TRMT2A: variants seen among roughly 807,000 people sequenced by gnomAD.
TRMT2A encodes tRNA (uracil-5-)-methyltransferase homolog A.
Under a neutral mutation model 59.3 loss-of-function variants are expected in TRMT2A, and 60 were observed. The ratio of observed to expected loss-of-function variants is 1.01; its 90% confidence interval spans 0.82 to 1.26. The LOEUF (loss-of-function observed/expected upper bound fraction) is 1.26. TRMT2A is among the 50% of genes most tolerant of loss of function. TRMT2A has a pLI of 0.00. For missense variants in TRMT2A, 863 were observed against 845.2 expected (o/e 1.02, Z -0.26); for synonymous variants, 403 against 353.7 (o/e 1.14, Z -1.56).
At chr22:20,113,898 T>C in intron 7 of TRMT2A, 90 bp from the exon 8 acceptor site, 1 of 1,437,920 alleles carries the variant, frequency 7.0e-7, no homozygotes, top group Non-Finnish European at 9.1e-7. Flanking sequence ...CCCTCCATCC[T>C]GCCGGGACCT....
At chr22:20,113,072 A>G (rs1358046951) in intron 10 of TRMT2A, 46 bp downstream of exon 10, 1 of 1,611,426 alleles carries the variant, frequency 6.2e-7, no homozygotes, top group Non-Finnish European at 8.5e-7. Flanking sequence ...GAGCCACCCC[A>G]TGTGTCCTCG....
chr22:20,114,598 C>T lies in TRMT2A; in HGVS notation c.1209G>A (p.Arg403=). The T allele has an allele frequency of 6.2e-7, 1 of 1,613,786 alleles. No individual in the cohort carries two copies. The highest frequency in any genetic ancestry group is 8.5e-7 in the Non-Finnish European group (1 of 1,180,008). Reference sequence around the variant, plus strand: ...CCTGGAAGAAGGCGTGTGGAGAGATCCGGAAGGTCAGCCCTAGCAGGTCCT... The same window carrying T: ...CCTGGAAGAAGGCGTGTGGAGAGATTCGGAAGGTCAGCCCTAGCAGGTCCT... The part of the protein sequence containing the change: ...IHEDLLGLTF[R]ISPHAFFQVN... The change falls in exon 7 of 12, where the codon CGG becomes CGA. Residue 403 remains arginine (R), a synonymous_variant. Transcript: ENST00000252136.
chr22:20,115,585 G>T, intron 3 of TRMT2A, 87 bp downstream of exon 3: 1 of 1,565,634 alleles, frequency 6.4e-7, no homozygotes, highest in Non-Finnish European at 8.8e-7. Context: ...AAAACACAAA[G>T]CAGGGAGATC....
At chr22:20,113,404 C>CCCCCCCCCCCCCGCCGTG in intron 9 of TRMT2A, 28 bp downstream of exon 9, 1 of 1,511,268 alleles carries the variant, frequency 6.6e-7, no homozygotes, top group Non-Finnish European at 9.1e-7. Flanking sequence ...CCCCCATCCC[C>CCCCCCCCCCCCCGCCGTG]ACCCCCACCC....
intron 2 of TRMT2A, 105 bp from the exon 3 acceptor site, chr22:20,115,885 T>C (rs2049998566): frequency 1.5e-6 from 2 of 1,379,250 alleles, no homozygotes; most frequent in Non-Finnish European, 2.0e-6. Context: ...TGGGATGTCA[T>C]TGTGCCCACT....
chr22:20,116,231 CT>C lies in TRMT2A; in HGVS notation c.405del (p.Gly136AlafsTer30). Reference protein sequence around the residue: ...ALRVLHGALWKGRPLSVRLAR... With the variant: ...ALRVLHGALWXGRPLSVRLAR... ...GCCAGGCGCACACTGAGTGGGCGGC[CT>C]TTCCAGAGGGCACCATGCAAAACGC... On this transcript the variant is annotated frameshift_variant, in exon 2 of 12. Transcript: ENST00000252136. LOFTEE classifies it high-confidence loss of function. The C allele has an allele frequency of 1.2e-6, 2 of 1,612,992 alleles. No individual in the cohort carries two copies. The highest frequency in any genetic ancestry group is 1.7e-6 in the Non-Finnish European group (2 of 1,180,018).
chr22:20,114,971 G>T lies in TRMT2A; in HGVS notation c.999C>A (p.His333Gln). 1 of 1,591,590 alleles carries T rather than the reference G, an allele frequency of 6.3e-7. No homozygotes were observed. ...RHQAMAIAYF[H>Q]PQKLSPEELA... ...GCAGGGCCCCCGTTGAGACCTGGGG[G>T]TGGAAGTAGGCAATGGCCATGGCCT... The change falls in exon 5 of 12, where the codon CAC becomes CAA. Residue 333 changes from histidine (H) to glutamine (Q), a missense_variant. By Grantham distance (24) the His-to-Gln change is conservative. Coordinates refer to ENST00000252136, the MANE Select transcript of TRMT2A (RefSeq NM_022727.6).
At chr22:20,116,809 T>C in intron 1 of TRMT2A, 74 bp downstream of exon 1, 1 of 1,468,864 alleles carries the variant, frequency 6.8e-7, no homozygotes, top group Non-Finnish European at 9.3e-7. Flanking sequence ...ACCTATTCTC[T>C]GGCAGGTTTC....
chr22:20,116,175 C>T lies in TRMT2A; in HGVS notation c.462G>A (p.Arg154=), dbSNP rs2050011064. Reference sequence around the variant, plus strand: ...GCTCACTCTCACCCTCCTGTCGCCTCCTCCTGGCCATGGGGTCGGCCTTGG... The same window carrying T: ...GCTCACTCTCACCCTCCTGTCGCCTTCTCCTGGCCATGGGGTCGGCCTTGG... The part of the protein sequence containing the change: ...ARPKADPMAR[R]RRQEGESEPP... The change falls in exon 2 of 12, where the codon AGG becomes AGA. Residue 154 remains arginine, a synonymous_variant. Coordinates refer to ENST00000252136, the MANE Select transcript of TRMT2A (RefSeq NM_022727.6). 1.9e-6 allele frequency: 3 copies of T among 1,613,130 alleles called. No homozygotes were observed. The highest frequency in any genetic ancestry group is 2.5e-6 in the Non-Finnish European group (3 of 1,179,972).
chr22:20,112,253 C>T lies in TRMT2A; in HGVS notation c.*310G>A, dbSNP rs1185958339. The T allele has an allele frequency of 4.8e-6, 2 of 414,202 alleles. No individual in the cohort carries two copies. Among genetic ancestry groups the T allele is most frequent in the Non-Finnish European group, 8.6e-6 (2 of 232,040 alleles). The allele number at this position is 414,202 out of a possible 1,614,324, so 25.7% of individuals were successfully genotyped here. A position where few individuals can be genotyped will look rare whatever the true frequency, so the allele number is the denominator to read the frequency against. On this transcript the variant is annotated 3_prime_UTR_variant, in exon 12 of 12. Coordinates refer to ENST00000252136, the MANE Select transcript of TRMT2A (RefSeq NM_022727.6). ...AGGCCTAGTTTGGCCCTTTCCCTGG[C>T]ACCCAGGCCCTGTGTTCAGACCCCT...
In TRMT2A at chr22:20,113,458, T is replaced by C. The variant is rs139389661; in HGVS notation, c.1406A>G (p.Asp469Gly). Residue 469 changes from aspartate to glycine, a missense_variant, in exon 9 of 12, where the codon GAC becomes GGC. Transcript: ENST00000252136. ...GVELCPEAVE[D>G]ARVNAQDNEL... is the part of the protein sequence containing the mutation. ...ATTGTCCTGGGCGTTCACCCGGGCG[T>C]CCTCCACAGCCTCTGGGCATAGCTC... The C allele has an allele frequency of 4.4e-5, 69 of 1,583,168 alleles. No individual in the cohort carries two copies. The highest frequency in any genetic ancestry group is 5.8e-5 in the Non-Finnish European group (68 of 1,163,694).
Position 20,112,419 on chromosome 22 carries a change from A to AGCAGGATTG in TRMT2A, c.*143_*144insCAATCCTGC, listed in dbSNP as rs2049870766. The AGCAGGATTG allele has an allele frequency of 8.9e-7, 1 of 1,121,822 alleles. No homozygotes were observed. The highest frequency in any genetic ancestry group is 1.6e-5 in the African/African-American group (1 of 63,186). 69.5% of individuals were successfully genotyped at this position (1,121,822 alleles called of 1,614,324 possible). A position where few individuals can be genotyped will look rare whatever the true frequency, so the allele number is the denominator to read the frequency against. On this transcript the variant is annotated 3_prime_UTR_variant, in exon 12 of 12. Coordinates refer to ENST00000252136, the MANE Select transcript of TRMT2A (RefSeq NM_022727.6). ...TTCCTGGTCAGGGCCCCTGGCCCCT[A>AGCAGGATTG]GCAGCAGGCCAATCCTGGTGGGGCA...
chr22:20,112,448 GGTTCTGTGCCC>G lies in TRMT2A; in HGVS notation c.*104_*114del. On this transcript the variant is annotated 3_prime_UTR_variant, in exon 12 of 12. Transcript: ENST00000252136. The stretch of plus-strand genomic sequence containing the variant: ...GCAGGCCAATCCTGGTGGGGCACAG[GGTTCTGTGCCC>G]TTTGGCTGCCTACCTCTGAATATCC... 2 of 1,311,514 alleles carry G rather than the reference GGTTCTGTGCCC, an allele frequency of 1.5e-6. No individual in the cohort carries two copies. The highest frequency in any genetic ancestry group is 2.1e-6 in the Non-Finnish European group (2 of 970,568). 81.2% of individuals were successfully genotyped at this position (1,311,514 alleles called of 1,614,324 possible). A position where few individuals can be genotyped will look rare whatever the true frequency, so the allele number is the denominator to read the frequency against.
chr22:20,115,467 C>G lies in TRMT2A; in HGVS notation c.709-20G>C, dbSNP rs1370230262. 2.5e-6 allele frequency: 4 copies of G among 1,594,254 alleles called. No homozygotes were observed. The South Asian group carries it at 4.4e-5, about 18-fold the overall frequency. On this transcript the variant is annotated intron_variant, in intron 3 of 11. Coordinates refer to ENST00000252136, the MANE Select transcript of TRMT2A (RefSeq NM_022727.6). Reference sequence around the variant, plus strand: ...CTCAGTCTGCAGGGAGAGAGAGCTGCACCTTACCCTGGCTGCCCAGCGCTT... The same window carrying G: ...CTCAGTCTGCAGGGAGAGAGAGCTGGACCTTACCCTGGCTGCCCAGCGCTT...
chr22:20,112,460 T>C lies in TRMT2A; in HGVS notation c.*103A>G. The C allele has an allele frequency of 7.1e-7, 1 of 1,414,864 alleles. No individual in the cohort carries two copies. The highest frequency in any genetic ancestry group is 9.5e-7 in the Non-Finnish European group (1 of 1,057,790). 87.6% of individuals were successfully genotyped at this position (1,414,864 alleles called of 1,614,324 possible). On this transcript the variant is annotated 3_prime_UTR_variant, in exon 12 of 12. Coordinates refer to ENST00000252136, the MANE Select transcript of TRMT2A (RefSeq NM_022727.6). ...TGGTGGGGCACAGGGTTCTGTGCCC[T>C]TTGGCTGCCTACCTCTGAATATCCT...
Position 20,113,139 on chromosome 22 carries a change from C to T in TRMT2A, c.1528G>A (p.Asp510Asn). 1 of 1,602,036 alleles carries T rather than the reference C, an allele frequency of 6.2e-7. No homozygotes were observed. The highest frequency in any genetic ancestry group is 8.5e-7 in the Non-Finnish European group (1 of 1,173,018). The change falls in exon 10 of 12, where the codon GAC (aspartate) becomes AAC (asparagine). Residue 510 changes from aspartate to asparagine, a missense_variant. By Grantham distance (23) the Asp-to-Asn change is conservative (BLOSUM62 1). Transcript: ENST00000252136. Reference protein sequence around the residue: ...LASQHLVAILDPPRAGLHSKV... With the variant: ...LASQHLVAILNPPRAGLHSKV... ...TCACGCAAGCCAGCACGGGGTGGGT[C>T]CAGGATGGCCACGAGGTGCTGGGAG...
intron 3 of TRMT2A, 101 bp downstream of exon 3, chr22:20,115,571 G>A (rs1568973196): frequency 1.3e-6 from 2 of 1,563,196 alleles, no homozygotes; most frequent in South Asian, 1.1e-5. Context: ...GATGTTACCA[G>A]AAGAAAACAC....
At position 20,112,952 on chromosome 22, in the gene TRMT2A, GTA is replaced by G. The variant is rs1200799247; in HGVS notation, c.1603_1604del (p.Tyr535ArgfsTer21). On this transcript the variant is annotated frameshift_variant, in exon 11 of 12. Coordinates refer to ENST00000252136, the MANE Select transcript of TRMT2A (RefSeq NM_022727.6). LOFTEE classifies it low-confidence loss of function (END_TRUNC). The part of the protein sequence containing the change: ...RRAKNLRRLL[Y>X]VSCNPRAAMG... ...TGGCTGCCCGGGGGTTGCATGAGAC[GTA>G]CAGCAGCCGCCTGAGGTTCTTAGCT... 28 of 1,613,702 alleles carry G rather than the reference GTA, an allele frequency of 1.7e-5. No homozygotes were observed. The highest frequency in any genetic ancestry group is 2.3e-5 in the Non-Finnish European group (27 of 1,180,020).
intron 8 of TRMT2A, 83 bp downstream of exon 8, chr22:20,113,603 G>C: frequency 6.2e-7 from 1 of 1,603,716 alleles, no homozygotes; most frequent in East Asian, 2.2e-5. Context: ...GCATGATGGA[G>C]TCAGCTGTGG....
Sources: gnomAD v4.1 joint callset for allele counts on GRCh38, gnomAD v4.1.1 for gene constraint, MANE v1.5 for transcripts, NCBI Gene and HGNC (gene_info 2026-07-23, HGNC 2026-07-21) for gene names.